The following ARFGEF3 variants were observed in gnomAD, a reference collection of about 807,000 sequenced individuals.
ARFGEF3 encodes the protein brefeldin A-inhibited guanine nucleotide-exchange protein 3.
ARFGEF3 carries 96 observed loss-of-function variants against 221.7 expected under a neutral mutation model. The observed-to-expected ratio is 0.43, with a 90% CI of 0.37 to 0.51. The LOEUF (loss-of-function observed/expected upper bound fraction) is 0.51. Ranked by LOEUF, ARFGEF3 falls within the 20% of genes least tolerant of loss-of-function variation. ARFGEF3 has a pLI of 0.00. For synonymous variants in ARFGEF3, 1,145 were observed against 1,126.8 expected (o/e 1.02, Z -0.32); for missense variants, 2,410 against 2,789.9 (o/e 0.86, Z 3.07).
chr6:138,179,663 T>C (rs151202103), intron 2 of ARFGEF3, among the ~76,000 whole-genome samples: 1 of 152,234 alleles, frequency 6.6e-6, no homozygotes, highest in African/African-American at 2.4e-5. Flanking sequence ...TGTTTATACT[T>C]GGAGAGAACC....
At chr6:138,244,532 A>G (rs1382213466) in intron 7 of ARFGEF3, among the ~76,000 whole-genome samples, 1 of 152,230 alleles carries the variant, frequency 6.6e-6, no homozygotes, top group Non-Finnish European at 1.5e-5. Context: ...GTAGTTGAAC[A>G]GATTCCAGAT....
At chr6:138,210,146 C>A in intron 4 of ARFGEF3, 105 bp downstream of exon 4, 1 of 1,139,112 alleles carries the variant, frequency 8.8e-7, no homozygotes. Context: ...CATGCTAGCT[C>A]ATCTTCATTT....
chr6:138,317,145 G>A lies in ARFGEF3; in HGVS notation c.4346-106G>A, dbSNP rs916364772. ...CTAACAACACTGGGTGATGGCTCACGTCTGTATAGCACTTGGCAGTTTACA... is the reference window on the plus strand; with the variant it reads ...CTAACAACACTGGGTGATGGCTCACATCTGTATAGCACTTGGCAGTTTACA... On this transcript the variant is annotated intron_variant, in intron 26 of 33. Transcript: ENST00000251691. 55 of 1,192,432 alleles carry A rather than the reference G, an allele frequency of 4.6e-5. No homozygotes were observed. In the Admixed American group the frequency reaches 6.8e-4, roughly 15 times the overall value. The allele number at this position is 1,192,432 out of a possible 1,614,324, so 73.9% of individuals were successfully genotyped here.
At chr6:138,281,174 G>A (rs1229653263) in intron 14 of ARFGEF3, among the ~76,000 whole-genome samples, 1 of 152,128 alleles carries the variant, frequency 6.6e-6, no homozygotes, top group Non-Finnish European at 1.5e-5. Flanking sequence ...GCCAGTTTAA[G>A]TTAGACAGGC....
intron 2 of ARFGEF3, among the ~76,000 whole-genome samples, chr6:138,184,615 A>C (rs1777147249): frequency 6.6e-6 from 1 of 152,260 alleles, no homozygotes; most frequent in African/African-American, 2.4e-5. Context: ...ATTATAAACA[A>C]ATCTGCCTGA....
Position 138,286,057 on chromosome 6 carries a change from A to G in ARFGEF3, c.2569+4A>G, listed in dbSNP as rs2114627751. The G allele has an allele frequency of 6.4e-7, 1 of 1,552,204 alleles. No individual in the cohort carries two copies. ...ATTGATGACTCCACAGTGGCAGGTA[A>G]TGACTTGGGTCTTGAGTTTATGAAC... On this transcript the variant is annotated splice_donor_region_variant and intron_variant, in intron 15 of 33. Coordinates refer to ENST00000251691, the MANE Select transcript of ARFGEF3 (RefSeq NM_020340.5).
At chr6:138,234,958 A>G (rs1412328182) in intron 5 of ARFGEF3, among the ~76,000 whole-genome samples, 1 of 152,288 alleles carries the variant, frequency 6.6e-6, no homozygotes, top group South Asian at 2.1e-4. Flanking sequence ...AACTAAGCAC[A>G]TTTTTATTGT....
intron 12 of ARFGEF3, among the ~76,000 whole-genome samples, chr6:138,277,379 G>A (rs572767195): frequency 1.4e-4 from 21 of 152,240 alleles, no homozygotes; most frequent in African/African-American, 4.6e-4. Flanking sequence ...GTTGATGGGC[G>A]CTTCAGTTGT....
intron 5 of ARFGEF3, among the ~76,000 whole-genome samples, chr6:138,231,186 C>T (rs1285964458): frequency 6.6e-6 from 1 of 152,104 alleles, no homozygotes; most frequent in Non-Finnish European, 1.5e-5. Flanking sequence ...GCACACACCA[C>T]CAAGTTCGGC....
At chr6:138,318,529 ATAAT>A in intron 27 of ARFGEF3, among the ~76,000 whole-genome samples, 1 of 152,248 alleles carries the variant, frequency 6.6e-6, no homozygotes, top group East Asian at 1.9e-4. Flanking sequence ...AATGACGTGA[ATAAT>A]TACTTACAAA....
At chr6:138,265,063 C>T (rs538077230) in intron 12 of ARFGEF3, among the ~76,000 whole-genome samples, 260 of 152,142 alleles carry the variant, frequency 1.7e-3, no homozygotes, top group Non-Finnish European at 3.0e-3. Context: ...ACCACCACAC[C>T]GGGCTAATTT....
intron 4 of ARFGEF3, among the ~76,000 whole-genome samples, chr6:138,220,733 A>G (rs986553932): frequency 6.6e-6 from 1 of 152,178 alleles, no homozygotes; most frequent in African/African-American, 2.4e-5. Flanking sequence ...GCCCTTCCAC[A>G]GTAATTTCTT....
chr6:138,177,667 T>C (rs1027622431), intron 2 of ARFGEF3, among the ~76,000 whole-genome samples: 22 of 152,114 alleles, frequency 1.4e-4, no homozygotes, highest in African/African-American at 5.3e-4. Flanking sequence ...TTGTTCATTC[T>C]TTTTTCCTTA....
At chr6:138,232,008 A>C (rs1778201749) in intron 5 of ARFGEF3, among the ~76,000 whole-genome samples, 1 of 152,264 alleles carries the variant, frequency 6.6e-6, no homozygotes, top group Non-Finnish European at 1.5e-5. Flanking sequence ...ATTATGAAAT[A>C]TCCAAGTGCT....
chr6:138,177,663 A>C (rs1434917986), intron 2 of ARFGEF3, among the ~76,000 whole-genome samples: 1 of 152,024 alleles, frequency 6.6e-6, no homozygotes, highest in Non-Finnish European at 1.5e-5. Context: ...GGCTTTGTTC[A>C]TTCTTTTTTC....
chr6:138,326,208 C>G (rs1400431192), intron 31 of ARFGEF3, among the ~76,000 whole-genome samples: 1 of 152,034 alleles, frequency 6.6e-6, no homozygotes, highest in East Asian at 1.9e-4. Context: ...CCAAATTTTC[C>G]TTATGTATTC....
intron 26 of ARFGEF3, among the ~76,000 whole-genome samples, 187 bp from the exon 27 acceptor site, chr6:138,317,064 T>TTGAC (rs1779938185): frequency 6.6e-6 from 1 of 152,224 alleles, no homozygotes; most frequent in African/African-American, 2.4e-5. Context: ...ATTTTTCCCC[T>TTGAC]TGACTTTGTC....
intron 5 of ARFGEF3, among the ~76,000 whole-genome samples, chr6:138,233,941 C>T (rs1279947269): frequency 7.2e-5 from 11 of 152,174 alleles, no homozygotes; most frequent in Admixed American, 7.2e-4. Flanking sequence ...GAGGAAATTG[C>T]AGTTCAAGGA....
chr6:138,265,015 T>C (rs1348369330), intron 12 of ARFGEF3, among the ~76,000 whole-genome samples: 1 of 151,690 alleles, frequency 6.6e-6, no homozygotes, highest in Non-Finnish European at 1.5e-5. Flanking sequence ...GCCATTCTCC[T>C]GCCTCAGCCT....
Sources: allele counts gnomAD v4.1 joint callset (sites outside exome capture counted in the v4.1 genomes callset), GRCh38; gene constraint gnomAD v4.1.1; transcripts MANE v1.5; gene names NCBI Gene and HGNC (gene_info 2026-07-23, HGNC 2026-07-21).